Variants in CDH13 observed in about 807,000 individuals in gnomAD.
The protein encoded by CDH13 is cadherin 13, also known as cadherin-13.
Under a neutral mutation model 63.8 loss-of-function variants are expected in CDH13, and 24 were observed. The observed-to-expected ratio is 0.38, with a 90% CI of 0.27 to 0.53. The LOEUF is 0.53. Among genes scored for constraint, CDH13 ranks in the 20% least tolerant of loss-of-function variants. The pLI is 0.85. For missense variants in CDH13, 1,049 were observed against 903.1 expected (o/e 1.16, Z -2.07); for synonymous variants, 503 against 355.3 (o/e 1.42, Z -4.67).
chr16:83,775,744 G>A (rs1034639090), intron 11 of CDH13, among the ~76,000 whole-genome samples: 3 of 151,934 alleles, frequency 2.0e-5, no homozygotes, highest in African/African-American at 7.3e-5. Context: ...AAAAAAGAAA[G>A]AAGTAAAAGA....
At position 83,348,547 on chromosome 16, in the gene CDH13, C is replaced by G. The variant is rs74541123; in HGVS notation, c.781+3541C>G. 2.0e-5 allele frequency among the ~76,000 whole-genome samples: 3 copies of G among 152,264 alleles called. No individual in the cohort carries two copies. The South Asian group carries it at 6.2e-4, about 32-fold the overall frequency. On this transcript the variant is annotated intron_variant, in intron 6 of 13. Transcript: ENST00000567109. The stretch of plus-strand genomic sequence containing the variant: ...CAGAAGGGCCTGGGGCTTGGTTTAG[C>G]GTTCTGCTGTCACCATGTTGAAATT...
At chr16:82,750,397 T>A (rs192700887) in intron 1 of CDH13, among the ~76,000 whole-genome samples, 54 of 152,280 alleles carry the variant, frequency 3.5e-4, no homozygotes, top group African/African-American at 1.3e-3. Context: ...AATCTTTATC[T>A]TGTGATTTAT....
chr16:82,660,408 C>G (rs990340414), intron 1 of CDH13, among the ~76,000 whole-genome samples: 1 of 151,768 alleles, frequency 6.6e-6, no homozygotes, highest in African/African-American at 2.4e-5. Context: ...CTGCTGAAAC[C>G]ACCCACTATG....
At position 83,795,035 on chromosome 16, in the gene CDH13, T is replaced by A; in HGVS notation, c.*5T>A. On this transcript the variant is annotated 3_prime_UTR_variant, in exon 14 of 14. Coordinates refer to ENST00000567109, the MANE Select transcript of CDH13 (RefSeq NM_001257.5). ...CCTCTCTATTCAGGTCTGTGAGAACTCCTGACGTCTGAAGCTTGACTCCCA... is the reference window on the plus strand; with the variant it reads ...CCTCTCTATTCAGGTCTGTGAGAACACCTGACGTCTGAAGCTTGACTCCCA... 6.3e-7 allele frequency: 1 copy of A among 1,591,746 alleles called. No homozygotes were observed. Among genetic ancestry groups the A allele is most frequent in the Non-Finnish European group, 8.6e-7 (1 of 1,168,734 alleles).
chr16:83,446,769 G>A (rs904534705), intron 6 of CDH13, among the ~76,000 whole-genome samples: 1 of 151,996 alleles, frequency 6.6e-6, no homozygotes, highest in Non-Finnish European at 1.5e-5. Flanking sequence ...GGAACTCCTG[G>A]GCAACTGGAA....
At chr16:83,315,371 A>T (rs923406999) in intron 5 of CDH13, among the ~76,000 whole-genome samples, 1 of 152,224 alleles carries the variant, frequency 6.6e-6, no homozygotes, top group Non-Finnish European at 1.5e-5. Context: ...GGAGGCAAAC[A>T]AACAAATGCT....
intron 5 of CDH13, among the ~76,000 whole-genome samples, chr16:83,228,908 T>A (rs1488851969): frequency 2.0e-5 from 3 of 152,218 alleles, no homozygotes; most frequent in African/African-American, 7.2e-5. Flanking sequence ...GAGTTCTGTC[T>A]CTGGGTCTTT....
intron 1 of CDH13, among the ~76,000 whole-genome samples, chr16:82,680,832 G>T (rs1469749308): frequency 1.3e-5 from 2 of 152,204 alleles, no homozygotes; most frequent in African/African-American, 4.8e-5. Context: ...GAGATAGAAG[G>T]CTGGTGGAGA....
At chr16:83,230,593 C>A (rs2039973509) in intron 5 of CDH13, among the ~76,000 whole-genome samples, 2 of 152,318 alleles carry the variant, frequency 1.3e-5, no homozygotes, top group African/African-American at 2.4e-5. Flanking sequence ...TGAGACCAAC[C>A]TGGCAAGAGT....
At chr16:83,469,497 A>G (rs2073401750) in intron 6 of CDH13, among the ~76,000 whole-genome samples, 2 of 152,204 alleles carry the variant, frequency 1.3e-5, no homozygotes, top group African/African-American at 2.4e-5. Context: ...GGGAATAACT[A>G]AAGCTATTCA....
intron 6 of CDH13, among the ~76,000 whole-genome samples, chr16:83,364,984 T>G (rs528741111): frequency 6.6e-6 from 1 of 152,202 alleles, no homozygotes; most frequent in South Asian, 2.1e-4. Context: ...AACCCAGGTG[T>G]TGGGTTGATA....
At chr16:82,906,641 T>TA (rs773537305) in intron 2 of CDH13, among the ~76,000 whole-genome samples, 24 of 152,180 alleles carry the variant, frequency 1.6e-4, no homozygotes, top group Non-Finnish European at 2.1e-4. Context: ...AGATTACCAC[T>TA]AACTCAAATG....
chr16:83,472,942 A>G (rs2073496253), intron 6 of CDH13, among the ~76,000 whole-genome samples: 1 of 152,162 alleles, frequency 6.6e-6, no homozygotes. Context: ...TACATCTGTC[A>G]GTTCTGACAT....
At chr16:83,750,040 G>T (rs434004) in intron 11 of CDH13, among the ~76,000 whole-genome samples, 1 of 152,218 alleles carries the variant, frequency 6.6e-6, no homozygotes, top group Admixed American at 6.5e-5. Flanking sequence ...GCTCATGCCT[G>T]TAGTCCCAGA....
intron 1 of CDH13, among the ~76,000 whole-genome samples, chr16:82,767,572 C>T (rs968991498): frequency 1.3e-5 from 2 of 152,212 alleles, no homozygotes; most frequent in Non-Finnish European, 2.9e-5. Context: ...ATTGTGTGCT[C>T]CTGGTCCCTG....
chr16:83,031,439 A>G (rs142831666), intron 2 of CDH13, among the ~76,000 whole-genome samples: 106 of 149,714 alleles, frequency 7.1e-4, no homozygotes, highest in East Asian at 2.7e-3. Flanking sequence ...ATACATGTAC[A>G]TGTATATGCA....
chr16:83,178,340 A>T (rs2038211263), intron 4 of CDH13, among the ~76,000 whole-genome samples: 1 of 152,172 alleles, frequency 6.6e-6, no homozygotes, highest in Non-Finnish European at 1.5e-5. Context: ...CCAAGCAGGG[A>T]AAACTCCCCC....
intron 1 of CDH13, among the ~76,000 whole-genome samples, chr16:82,812,093 T>C (rs1209693231): frequency 1.3e-5 from 2 of 152,164 alleles, no homozygotes; most frequent in Non-Finnish European, 2.9e-5. Context: ...CCTTTGTCTC[T>C]ATGTATTCAC....
chr16:83,795,049 G>T lies in CDH13; in HGVS notation c.*19G>T. The T allele has an allele frequency of 6.3e-7, 1 of 1,582,626 alleles. No homozygotes were observed. On this transcript the variant is annotated 3_prime_UTR_variant, in exon 14 of 14. Coordinates refer to ENST00000567109, the MANE Select transcript of CDH13 (RefSeq NM_001257.5). ...TCTGTGAGAACTCCTGACGTCTGAAGCTTGACTCCCAAGTTTCCATAGCAA... is the reference window on the plus strand; with the variant it reads ...TCTGTGAGAACTCCTGACGTCTGAATCTTGACTCCCAAGTTTCCATAGCAA...
Sources: allele counts gnomAD v4.1 joint callset (sites outside exome capture counted in the v4.1 genomes callset), GRCh38; gene constraint gnomAD v4.1.1; transcripts MANE v1.5; gene names NCBI Gene and HGNC (gene_info 2026-07-23, HGNC 2026-07-21).